The following MATN2 variants were observed in gnomAD, a reference collection of about 807,000 sequenced individuals.
The protein encoded by MATN2 is matrilin-2.
Under a neutral mutation model 103.2 loss-of-function variants are expected in MATN2, and 69 were observed. The ratio of observed to expected loss-of-function variants is 0.67; its 90% CI spans 0.55 to 0.82. The LOEUF is 0.82. Ranked by LOEUF, MATN2 falls within the 40% of genes least tolerant of loss-of-function variation. The pLI, the probability that MATN2 is intolerant of heterozygous loss-of-function variation, is 0.00. For missense variants in MATN2, 1,023 were observed against 1,211.5 expected, an observed-to-expected ratio of 0.84 and a Z score of 2.31; for synonymous variants, 429 against 450.2, an observed-to-expected ratio of 0.95 and a Z score of 0.60.
intron 3 of MATN2, among the ~76,000 whole-genome samples, chr8:97,935,287 A>C (rs1810339137): frequency 6.6e-6 from 1 of 152,180 alleles, no homozygotes; most frequent in Non-Finnish European, 1.5e-5. Flanking sequence ...AGCTTTAAAG[A>C]TGAGGTGATA....
At chr8:97,961,107 A>G (rs1487005509) in intron 4 of MATN2, among the ~76,000 whole-genome samples, 1 of 152,170 alleles carries the variant, frequency 6.6e-6, no homozygotes, top group Non-Finnish European at 1.5e-5. Context: ...GAGCCACCGC[A>G]TGGCTGAAAA....
chr8:97,897,615 T>A (rs530639830), intron 2 of MATN2, among the ~76,000 whole-genome samples: 15 of 152,342 alleles, frequency 9.8e-5, no homozygotes, highest in African/African-American at 3.1e-4. Context: ...ACGTTTGTTT[T>A]AAAATTTTTT....
intron 5 of MATN2, among the ~76,000 whole-genome samples, chr8:97,974,173 T>C (rs1440697389): frequency 6.6e-6 from 1 of 151,832 alleles, no homozygotes; most frequent in African/African-American, 2.4e-5. Flanking sequence ...AGAATTTCGC[T>C]TGTTGCCCAG....
In MATN2 at chr8:98,033,570, T is replaced by C; in HGVS notation, c.2726T>C (p.Leu909Ser). 6.3e-7 allele frequency: 1 copy of C among 1,589,960 alleles called. No individual in the cohort carries two copies. Among genetic ancestry groups the C allele is most frequent in the Non-Finnish European group, 8.6e-7 (1 of 1,168,664 alleles). ...SHSTKPSGSPLEEKHDQCKCE... is the reference protein window; with the variant it reads ...SHSTKPSGSPSEEKHDQCKCE... ...CCATCTGCTTTCTCAGGAAGCCCTT[T>C]GGAAGAAAAACACGATCAATGCAAA... Residue 909 changes from leucine (L) to serine (S), a missense_variant, in exon 18 of 19, where the codon TTG (leucine) becomes TCG (serine). Physicochemically the swap from Leu to Ser is moderately radical, Grantham distance 145. Coordinates refer to ENST00000254898, the MANE Select transcript of MATN2 (RefSeq NM_002380.5).
intron 7 of MATN2, among the ~76,000 whole-genome samples, chr8:97,995,132 C>T (rs1402070734): frequency 1.3e-5 from 2 of 152,228 alleles, no homozygotes; most frequent in Non-Finnish European, 2.9e-5. Flanking sequence ...AAATGCCTGT[C>T]ATCTAGCACA....
chr8:98,018,558 G>A (rs1488390315), intron 12 of MATN2, among the ~76,000 whole-genome samples: 6 of 152,186 alleles, frequency 3.9e-5, no homozygotes, highest in South Asian at 2.1e-4. Flanking sequence ...AGACATACCC[G>A]AGACTGGGCA....
At chr8:98,017,313 G>T (rs1813398716) in intron 11 of MATN2, among the ~76,000 whole-genome samples, 1 of 152,202 alleles carries the variant, frequency 6.6e-6, no homozygotes, top group Non-Finnish European at 1.5e-5. Flanking sequence ...AGCCAGTTTT[G>T]CCTTTCAGAA....
intron 6 of MATN2, among the ~76,000 whole-genome samples, chr8:97,992,696 AG>A (rs1434060921): frequency 4.1e-5 from 6 of 146,190 alleles, no homozygotes; most frequent in African/African-American, 1.3e-4. Flanking sequence ...CAGTGAGCCA[AG>A]ATTGCGCCAC....
chr8:97,957,260 T>G (rs1811173842), intron 4 of MATN2, among the ~76,000 whole-genome samples: 1 of 152,198 alleles, frequency 6.6e-6, no homozygotes, highest in Non-Finnish European at 1.5e-5. Flanking sequence ...ACACAGTGCT[T>G]CTTATCCTTC....
In MATN2 at chr8:98,003,860, A is replaced by G. The variant is rs769901828; in HGVS notation, c.1327+77A>G. The G allele has an allele frequency of 4.4e-6, 7 of 1,574,872 alleles. No individual in the cohort carries two copies. The African/African-American group carries it at 6.7e-5, about 15-fold the overall frequency. On this transcript the variant is annotated intron_variant, in intron 8 of 18. Coordinates refer to ENST00000254898, the MANE Select transcript of MATN2 (RefSeq NM_002380.5). ...GGGGCGGGCGGGTTCACTAGCAACCAGTTATTTCTGGAGCCCACCGGGTTT... is the reference window on the plus strand; with the variant it reads ...GGGGCGGGCGGGTTCACTAGCAACCGGTTATTTCTGGAGCCCACCGGGTTT...
chr8:97,946,603 T>C (rs1157431812), intron 4 of MATN2, among the ~76,000 whole-genome samples: 4 of 152,196 alleles, frequency 2.6e-5, no homozygotes, highest in African/African-American at 7.2e-5. Flanking sequence ...AGAAAGAACT[T>C]TATCTTGTTT....
In MATN2 at chr8:97,975,877, A is replaced by G. The variant is rs1291730373; in HGVS notation, c.959-3009A>G. On this transcript the variant is annotated intron_variant, in intron 5 of 18. Transcript: ENST00000254898. ...CGATCTCAGTGTTCCCAGTGTCACC[A>G]TTGATTCTTTTGATGATCCCTTGGT... Among the ~76,000 whole-genome samples the G allele has an allele frequency of 3.3e-5, 5 of 152,272 alleles. No homozygotes were observed. In the East Asian group the frequency reaches 7.7e-4, roughly 24 times the overall value.
At chr8:97,889,334 A>T (rs1281464179) in intron 2 of MATN2, among the ~76,000 whole-genome samples, 2 of 151,980 alleles carry the variant, frequency 1.3e-5, no homozygotes, top group Non-Finnish European at 2.9e-5. Flanking sequence ...CCTTGTTTCC[A>T]TAGTGATGTA....
intron 1 of MATN2, among the ~76,000 whole-genome samples, chr8:97,872,614 T>C (rs182935697): frequency 6.6e-6 from 1 of 152,330 alleles, no homozygotes; most frequent in East Asian, 1.9e-4. Context: ...TTCTGACTTC[T>C]AAAACCTGAC....
At chr8:98,034,093 G>A in intron 18 of MATN2, 1 of 439,686 alleles carries the variant, frequency 2.3e-6, no homozygotes, top group Non-Finnish European at 4.6e-6. Context: ...TAGCCCCAAG[G>A]AACACCACAG....
chr8:97,880,287 T>G (rs551960225), intron 1 of MATN2, among the ~76,000 whole-genome samples: 1 of 152,122 alleles, frequency 6.6e-6, no homozygotes, highest in African/African-American at 2.4e-5. Context: ...GAACAGGAAT[T>G]AAAAGAAATT....
intron 3 of MATN2, among the ~76,000 whole-genome samples, chr8:97,932,182 G>A (rs1810222266): frequency 6.6e-6 from 1 of 152,174 alleles, no homozygotes; most frequent in African/African-American, 2.4e-5. Context: ...AGAGTAGATA[G>A]ACAGAGTTTT....
At chr8:97,914,424 G>T (rs1172580408) in intron 2 of MATN2, among the ~76,000 whole-genome samples, 1 of 131,436 alleles carries the variant, frequency 7.6e-6, no homozygotes, top group African/African-American at 2.9e-5. Context: ...AAGCTGGAGA[G>T]CAGTGGCACA....
chr8:98,003,715 T>C lies in MATN2; in HGVS notation c.1259T>C (p.Met420Thr), dbSNP rs375793969. 6.8e-5 allele frequency: 109 copies of C among 1,613,612 alleles called. No individual in the cohort carries two copies. Among genetic ancestry groups the C allele is most frequent in the Non-Finnish European group, 8.9e-5 (105 of 1,179,780 alleles). Reference sequence around the variant, plus strand: ...GGCTGTGAGCATGAGTGCGTCAACATGGAGGAGAGCTACTACTGCCGCTGC... The same window carrying C: ...GGCTGTGAGCATGAGTGCGTCAACACGGAGGAGAGCTACTACTGCCGCTGC... ...KPGCEHECVNMEESYYCRCHR... is the reference protein window; with the variant it reads ...KPGCEHECVNTEESYYCRCHR... Residue 420 changes from methionine (M) to threonine (T), a missense_variant, in exon 8 of 19, where the codon ATG becomes ACG. By Grantham distance (81) the Met-to-Thr change is moderately conservative. Coordinates refer to ENST00000254898, the MANE Select transcript of MATN2 (RefSeq NM_002380.5).
Sources: gnomAD v4.1 joint callset for allele counts (sites outside exome capture counted in the v4.1 genomes callset) on GRCh38, gnomAD v4.1.1 for gene constraint, MANE v1.5 for transcripts, NCBI Gene and HGNC (gene_info 2026-07-23, HGNC 2026-07-21) for gene names.